The following CTNNA2 variants were observed in gnomAD, a reference collection of about 807,000 sequenced individuals.
The protein encoded by CTNNA2 is catenin alpha 2.
In CTNNA2, 42 loss-of-function variants were observed where a neutral mutation model predicts 101.0. The ratio of observed to expected loss-of-function variants is 0.42; its 90% CI spans 0.32 to 0.54. The LOEUF (loss-of-function observed/expected upper bound fraction) is 0.54. Among genes scored for constraint, CTNNA2 ranks in the 20% least tolerant of loss-of-function variants. The pLI is 0.14. For missense variants in CTNNA2, 871 were observed against 1,223.1 expected, an observed-to-expected ratio of 0.71 and a Z score of 4.29; for synonymous variants, 450 against 456.4, an observed-to-expected ratio of 0.99 and a Z score of 0.18.
intron 4 of CTNNA2, among the ~76,000 whole-genome samples, chr2:79,490,091 C>T (rs1393860629): frequency 1.3e-5 from 2 of 152,182 alleles, no homozygotes; most frequent in Non-Finnish European, 2.9e-5. Flanking sequence ...CTGAATCTTA[C>T]CTTCAGTATT....
chr2:79,822,485 C>G (rs1002208916), intron 3 of CTNNA2, among the ~76,000 whole-genome samples: 1 of 152,146 alleles, frequency 6.6e-6, no homozygotes, highest in Non-Finnish European at 1.5e-5. Context: ...TCTCCTTTAT[C>G]AAATGTAATT....
At chr2:79,600,933 T>C (rs755109754) in intron 1 of CTNNA2, among the ~76,000 whole-genome samples, 4 of 152,076 alleles carry the variant, frequency 2.6e-5, no homozygotes, top group Non-Finnish European at 4.4e-5. Flanking sequence ...TATGATCTAA[T>C]TGTTTCTCAA....
rs530778248 is a variant in CTNNA2 at position 79,282,444 on chromosome 2, T to G, written c.-405-30265T>G. ...TACAACAGTCCCCAGAGTGTGATGT[T>G]CCCCTTCCTGTGTCCACGTGTTCTC... On this transcript the variant is annotated intron_variant, in intron 2 of 21. Transcript: ENST00000466387. Among the ~76,000 whole-genome samples, 6 of 152,136 alleles carry G rather than the reference T, an allele frequency of 3.9e-5. No homozygotes were observed. The East Asian group carries it at 1.2e-3, about 30-fold the overall frequency.
rs568980674 is a variant in CTNNA2, at chr2:80,168,395, C to T, written c.1057-224816C>T. On this transcript the variant is annotated intron_variant, in intron 7 of 18. Transcript: ENST00000402739. Reference sequence around the variant, plus strand: ...TAAAAGCCAAATAAAATAATTCCATCCCCCACCTGCCCATAGAAATCACGT... The same window carrying T: ...TAAAAGCCAAATAAAATAATTCCATTCCCCACCTGCCCATAGAAATCACGT... 3.3e-5 allele frequency among the ~76,000 whole-genome samples: 5 copies of T among 152,176 alleles called. No homozygotes were observed. In the East Asian group the frequency reaches 9.7e-4, roughly 29 times the overall value.
chr2:80,566,774 A>C (rs1260542465), intron 12 of CTNNA2, among the ~76,000 whole-genome samples: 1 of 152,210 alleles, frequency 6.6e-6, no homozygotes, highest in Non-Finnish European at 1.5e-5. Flanking sequence ...GTACATAGAC[A>C]AAGCTGGTAC....
At chr2:79,765,609 G>A (rs1037905100) in intron 3 of CTNNA2, among the ~76,000 whole-genome samples, 15 of 152,096 alleles carry the variant, frequency 9.9e-5, no homozygotes, top group African/African-American at 2.4e-4. Flanking sequence ...CCAGCATGCC[G>A]AAGCACTTCA....
chr2:79,517,250 A>G (rs1001052111), intron 1 of CTNNA2, among the ~76,000 whole-genome samples: 2 of 152,208 alleles, frequency 1.3e-5, no homozygotes, highest in Admixed American at 6.5e-5. Flanking sequence ...TATGAATTGA[A>G]TTCTTTTATT....
In CTNNA2 at chr2:79,425,752, A is replaced by G. The variant is rs577436504; in HGVS notation, c.-135+51739A>G. ...CTTATACGAAAGGATTTGCTTGCGT[A>G]ATTATATTCTTTATGAAATCTTACC... On this transcript the variant is annotated intron_variant, in intron 4 of 21. Transcript: ENST00000466387. 8.5e-5 allele frequency among the ~76,000 whole-genome samples: 13 copies of G among 152,314 alleles called. No homozygotes were observed. The South Asian group carries it at 2.7e-3, about 32-fold the overall frequency.
At chr2:80,526,021 T>C (rs760446192) in intron 9 of CTNNA2, among the ~76,000 whole-genome samples, 2 of 152,170 alleles carry the variant, frequency 1.3e-5, no homozygotes, top group Non-Finnish European at 2.9e-5. Context: ...TAGCTTCTGG[T>C]TATTCATCTG....
At chr2:79,952,634 G>A (rs557975494) in intron 7 of CTNNA2, among the ~76,000 whole-genome samples, 86 of 152,298 alleles carry the variant, frequency 5.6e-4, no homozygotes, top group African/African-American at 2.0e-3. Flanking sequence ...ATACAAGAAC[G>A]AAATTGAATC....
chr2:79,253,240 G>A (rs992160251), intron 2 of CTNNA2, among the ~76,000 whole-genome samples: 15 of 152,242 alleles, frequency 9.9e-5, no homozygotes, highest in African/African-American at 3.4e-4. Context: ...TCCTGGGCTT[G>A]GACTGGTCAA....
intron 4 of CTNNA2, among the ~76,000 whole-genome samples, chr2:79,471,448 G>T (rs1285782338): frequency 6.6e-6 from 1 of 152,106 alleles, no homozygotes; most frequent in African/African-American, 2.4e-5. Flanking sequence ...AAGAGACTGA[G>T]GGCTCTCATG....
chr2:80,000,281 C>T (rs1692852633), intron 7 of CTNNA2, among the ~76,000 whole-genome samples: 1 of 152,148 alleles, frequency 6.6e-6, no homozygotes. Flanking sequence ...AGAGACACGA[C>T]TATAACATTG....
intron 7 of CTNNA2, among the ~76,000 whole-genome samples, chr2:80,280,340 C>A (rs2592069): frequency 4.7e-5 from 7 of 150,444 alleles, no homozygotes; most frequent in Non-Finnish European, 7.4e-5. Flanking sequence ...ACCCACTTCC[C>A]TGGGGACGTC....
At chr2:79,821,311 T>G (rs1012908305) in intron 3 of CTNNA2, among the ~76,000 whole-genome samples, 2 of 152,150 alleles carry the variant, frequency 1.3e-5, no homozygotes, top group African/African-American at 4.8e-5. Flanking sequence ...TAGGATCAAG[T>G]GATCCTCTTG....
chr2:80,133,909 A>T (rs62140126), intron 7 of CTNNA2, among the ~76,000 whole-genome samples: 10,108 of 152,300 alleles, frequency 0.066, 353 homozygotes, highest in South Asian at 0.086. Flanking sequence ...TGAGAAAGTT[A>T]ATCAACTCTG....
At chr2:80,630,634 T>TCAAAAATAAATAAATAA (rs1171880926) in intron 18 of CTNNA2, among the ~76,000 whole-genome samples, 4 of 152,076 alleles carry the variant, frequency 2.6e-5, no homozygotes, top group Non-Finnish European at 5.9e-5. Flanking sequence ...AGACTCCGTC[T>TCAAAAATAAATAAATAA]CAAAAATAAA....
chr2:79,680,021 G>T (rs1683451147), intron 2 of CTNNA2, among the ~76,000 whole-genome samples: 1 of 152,080 alleles, frequency 6.6e-6, no homozygotes, highest in Non-Finnish European at 1.5e-5. Flanking sequence ...AATCGGGAAA[G>T]GGGGATGAGC....
intron 1 of CTNNA2, among the ~76,000 whole-genome samples, chr2:79,611,889 G>T (rs190249279): frequency 6.6e-6 from 1 of 152,218 alleles, no homozygotes; most frequent in Admixed American, 6.5e-5. Context: ...TAAATGAGTG[G>T]ATCAACCACC....
Sources: gnomAD v4.1 joint callset for allele counts (sites outside exome capture counted in the v4.1 genomes callset) on GRCh38, gnomAD v4.1.1 for gene constraint, MANE v1.5 for transcripts, NCBI Gene and HGNC (gene_info 2026-07-23, HGNC 2026-07-21) for gene names.